The following CARD8 variants were observed in gnomAD, a reference collection of about 807,000 sequenced individuals.
CARD8 encodes the protein caspase recruitment domain-containing protein 8.
A neutral mutation model predicts 53.2 loss-of-function variants in CARD8; 38 were observed. The ratio of observed to expected loss-of-function variants is 0.71; its 90% CI spans 0.55 to 0.94. The LOEUF (loss-of-function observed/expected upper bound fraction) is 0.94. Among genes scored for constraint, CARD8 ranks in the 40% least tolerant of loss-of-function variants. The pLI is 0.00. For synonymous variants in CARD8, 245 were observed against 244.9 expected, an observed-to-expected ratio of 1.00 and a Z score of 0.00; for missense variants, 561 against 655.5, an observed-to-expected ratio of 0.86 and a Z score of 1.57.
chr19:48,245,774 T>C (rs1324414163), intron 3 of CARD8, among the ~76,000 whole-genome samples: 2 of 148,662 alleles, frequency 1.3e-5, no homozygotes, highest in Non-Finnish European at 3.0e-5. Flanking sequence ...ATAATTGTTA[T>C]ATATAAAATA....
intron 13 of CARD8, among the ~76,000 whole-genome samples, chr19:48,213,794 C>T (rs1370844967): frequency 2.0e-5 from 3 of 152,222 alleles, no homozygotes; most frequent in Non-Finnish European, 2.9e-5. Context: ...CCGTTCCCCA[C>T]TTCCTATTCA....
chr19:48,215,464 C>A (rs1244665315), intron 12 of CARD8, 80 bp from the exon 13 acceptor site: 1 of 939,348 alleles, frequency 1.1e-6, no homozygotes, highest in East Asian at 2.6e-5. Context: ...TTTGATGCAA[C>A]CAACTGAAAT....
intron 8 of CARD8, among the ~76,000 whole-genome samples, chr19:48,231,227 G>T (rs942194864): frequency 6.6e-6 from 1 of 152,154 alleles, no homozygotes; most frequent in Non-Finnish European, 1.5e-5. Context: ...CACAGTGCAT[G>T]AAATAAACAT....
At chr19:48,218,211 T>A (rs538347577) in intron 12 of CARD8, among the ~76,000 whole-genome samples, 34 of 152,182 alleles carry the variant, frequency 2.2e-4, no homozygotes, top group Non-Finnish European at 2.8e-4. Flanking sequence ...ACTATTTTTT[T>A]TAATTTAATT....
intron 3 of CARD8, among the ~76,000 whole-genome samples, chr19:48,247,071 C>A (rs1219331174): frequency 6.6e-6 from 1 of 152,160 alleles, no homozygotes; most frequent in Non-Finnish European, 1.5e-5. Context: ...AGCCTGTAAT[C>A]ACCACACCTT....
chr19:48,240,574 G>A (rs1035192495), intron 4 of CARD8, among the ~76,000 whole-genome samples: 3 of 152,214 alleles, frequency 2.0e-5, no homozygotes, highest in Middle Eastern at 3.4e-3. Flanking sequence ...GTCCAGACCA[G>A]CCTGGTCAAC....
chr19:48,205,376 C>A (rs908096271), downstream of CARD8, among the ~76,000 whole-genome samples: 1 of 151,566 alleles, frequency 6.6e-6, no homozygotes. Context: ...ATTACAGGTG[C>A]GCACCACCAC....
Position 48,208,674 on chromosome 19 carries a change from CATT to C in CARD8, c.*3033_*3035del, listed in dbSNP as rs71334274. The C allele has an allele frequency of 0.31, 47,356 of 151,606 alleles. 7,704 individuals carry two copies. Among genetic ancestry groups the C allele is most frequent in the East Asian group, 0.52 (2,654 of 5,128 alleles). 9.4% of individuals were successfully genotyped at this position (151,606 alleles called of 1,614,324 possible). A position where few individuals can be genotyped will look rare whatever the true frequency, so the allele number is the denominator to read the frequency against. ...TATCTGACAAAGACTTTAAAAGAGA[CATT>C]ATAAAAATACTCAAATGAGGCCAGG... On this transcript the variant is annotated 3_prime_UTR_variant, in exon 14 of 14. Transcript: ENST00000651546.
In CARD8 at chr19:48,238,482, T is replaced by C; in HGVS notation, c.110A>G (p.Gln37Arg). ...GTCAACCAACAGTTTCCGTGATCCTTGTAGTCTAATGAGTTTGGATGCATC... is the reference window on the plus strand; with the variant it reads ...GTCAACCAACAGTTTCCGTGATCCTCGTAGTCTAATGAGTTTGGATGCATC... ...NIDASKLIRL[Q>R]GSRKLLVDNS... The change falls in exon 5 of 14, where the codon CAA becomes CGA. Residue 37 changes from glutamine to arginine, a missense_variant. Coordinates refer to ENST00000651546, the MANE Select transcript of CARD8 (RefSeq NM_001184900.3). 6.5e-7 allele frequency: 1 copy of C among 1,536,440 alleles called. No individual in the cohort carries two copies. Among genetic ancestry groups the C allele is most frequent in the Non-Finnish European group, 8.7e-7 (1 of 1,146,966 alleles).
At chr19:48,238,969 G>C (rs2044434090) in intron 4 of CARD8, among the ~76,000 whole-genome samples, 1 of 152,182 alleles carries the variant, frequency 6.6e-6, no homozygotes, top group Admixed American at 6.5e-5. Context: ...CTCAATCCCT[G>C]ATGTTCATCA....
At chr19:48,231,536 C>G (rs2042886874) in intron 8 of CARD8, 124 bp downstream of exon 8, 1 of 948,826 alleles carries the variant, frequency 1.1e-6, no homozygotes, top group African/African-American at 1.7e-5. Context: ...AACTCCTGAC[C>G]TTGTGATCCG....
At chr19:48,247,508 G>C (rs1360771524) in intron 3 of CARD8, among the ~76,000 whole-genome samples, 2 of 151,868 alleles carry the variant, frequency 1.3e-5, no homozygotes, top group Non-Finnish European at 2.9e-5. Flanking sequence ...ATGAAGAAAG[G>C]CATAGTAAAC....
intron 12 of CARD8, among the ~76,000 whole-genome samples, chr19:48,215,734 G>A (rs991823985): frequency 2.6e-5 from 4 of 152,134 alleles, no homozygotes; most frequent in Admixed American, 1.3e-4. Context: ...ATTAAAACAC[G>A]TGTTTTTTGG....
At chr19:48,237,595 G>C (rs28893335) in intron 5 of CARD8, among the ~76,000 whole-genome samples, 8,647 of 151,862 alleles carry the variant, frequency 0.057, 621 homozygotes, top group African/African-American at 0.17. Context: ...TCAGGAGTTT[G>C]AGACCAGCCT....
At chr19:48,227,594 G>A (rs2042037608) in intron 10 of CARD8, among the ~76,000 whole-genome samples, 2 of 151,946 alleles carry the variant, frequency 1.3e-5, no homozygotes, top group Non-Finnish European at 2.9e-5. Flanking sequence ...CACAAGGTCA[G>A]GAGTTCAAGA....
intron 3 of CARD8, among the ~76,000 whole-genome samples, chr19:48,241,444 C>T (rs1040033665): frequency 3.3e-5 from 5 of 152,156 alleles, no homozygotes; most frequent in African/African-American, 7.2e-5. Context: ...TTAGTATAGA[C>T]AGGGTTTCTC....
At position 48,211,606 on chromosome 19, in the gene CARD8, GTCT is replaced by G. The variant is rs2037978278; in HGVS notation, c.*101_*103del. 1.7e-6 allele frequency: 2 copies of G among 1,145,640 alleles called. No homozygotes were observed. The highest frequency in any genetic ancestry group is 1.5e-5 in the South Asian group (1 of 67,676). The allele number at this position is 1,145,640 out of a possible 1,614,324, so 71.0% of individuals were successfully genotyped here. On this transcript the variant is annotated 3_prime_UTR_variant, in exon 14 of 14. Transcript: ENST00000651546. Reference sequence around the variant, plus strand: ...AAGCCTGTGTGATAGATGTTACCCAGTCTTCTTCTGTCTTGAACACTGAAATCA... The same window carrying G: ...AAGCCTGTGTGATAGATGTTACCCAGTCTTCTGTCTTGAACACTGAAATCA...
At chr19:48,203,864 G>T, downstream of CARD8, 1 of 248,408 alleles carries the variant, frequency 4.0e-6, no homozygotes, top group South Asian at 3.6e-5. Flanking sequence ...CTCACCCATT[G>T]GCCACCTGTA....
intron 13 of CARD8, among the ~76,000 whole-genome samples, chr19:48,213,499 G>A (rs757042375): frequency 2.6e-5 from 4 of 152,068 alleles, no homozygotes; most frequent in African/African-American, 4.8e-5. Flanking sequence ...TCAGCCCCCC[G>A]AGTAGCTGGG....
Sources: allele counts gnomAD v4.1 joint callset (sites outside exome capture counted in the v4.1 genomes callset), GRCh38; gene constraint gnomAD v4.1.1; transcripts MANE v1.5; gene names NCBI Gene and HGNC (gene_info 2026-07-23, HGNC 2026-07-21).